WNT9A: variants seen among roughly 807,000 people sequenced by gnomAD.
WNT9A encodes Wnt family member 9A.
In WNT9A, 8 loss-of-function variants were observed where a neutral mutation model predicts 31.4. The observed-to-expected ratio is 0.26, with a 90% confidence interval of 0.15 to 0.46. The LOEUF is 0.46. Among genes scored for constraint, WNT9A ranks in the 20% least tolerant of loss-of-function variants. WNT9A has a pLI of 0.99. For missense variants in WNT9A, 457 were observed against 522.9 expected (o/e 0.87, Z 1.23); for synonymous variants, 236 against 220.1 (o/e 1.07, Z -0.64).
rs151208284 is a variant in WNT9A, at chr1:227,938,963, T to C, written c.95+8830A>G. ...TGACCTGGCTGCACCCCTGCCAGGC[T>C]CACGGCAGCACCAGTTCATGACTGC... On this transcript the variant is annotated intron_variant, in intron 1 of 3. Transcript: ENST00000272164. Among the ~76,000 whole-genome samples the C allele has an allele frequency of 3.4e-3, 525 of 152,300 alleles. 12 individuals carry two copies. The highest frequency in any genetic ancestry group is 0.029 in the East Asian group (152 of 5,184).
At chr1:227,937,160 T>G (rs1161625459) in intron 1 of WNT9A, among the ~76,000 whole-genome samples, 2 of 152,370 alleles carry the variant, frequency 1.3e-5, no homozygotes, top group Non-Finnish European at 2.9e-5. Context: ...TTTTCCAAAC[T>G]TGCTGGGTCA....
chr1:227,925,145 G>A lies in WNT9A; in HGVS notation c.352+118C>T. The A allele has an allele frequency of 7.2e-7, 1 of 1,392,862 alleles. No homozygotes were observed. Among genetic ancestry groups the A allele is most frequent in the Admixed American group, 3.0e-5 (1 of 33,246 alleles). The allele number at this position is 1,392,862 out of a possible 1,614,324, so 86.3% of individuals were successfully genotyped here. On this transcript the variant is annotated intron_variant, in intron 2 of 3. Coordinates refer to ENST00000272164, the MANE Select transcript of WNT9A (RefSeq NM_003395.4). This position sits in a 1 kb window ranked among gnomAD's most constrained non-coding sequence, Gnocchi z 6.0. ...CAGGGCCTAGGCCCAGGAGCTCTGG[G>A]CAGGCTGGGCCCGGCGTCCCCAGGA...
rs944097769 is a variant in WNT9A at position 227,940,164 on chromosome 1, G to A, written c.95+7629C>T. ...AGCATCCATGGGGTCCCCCAAACCA[G>A]ACCACAGAGGCCAGCCCAGCTCCCC... On this transcript the variant is annotated intron_variant, in intron 1 of 3. Coordinates refer to ENST00000272164, the MANE Select transcript of WNT9A (RefSeq NM_003395.4). Among the ~76,000 whole-genome samples, 16 of 152,142 alleles carry A rather than the reference G, an allele frequency of 1.1e-4. No individual in the cohort carries two copies. In the East Asian group the frequency reaches 2.9e-3, roughly 28 times the overall value.
In WNT9A at chr1:227,942,258, CT is replaced by C. The variant is rs1558265065; in HGVS notation, c.95+5534del. ...GCAGGCCAGGCACTGCTGCTCCGTC[CT>C]TACCACACACCCTCCACACCCTCCA... is the stretch of plus-strand genomic sequence containing the variant. On this transcript the variant is annotated intron_variant, in intron 1 of 3. Coordinates refer to ENST00000272164, the MANE Select transcript of WNT9A (RefSeq NM_003395.4). The surrounding 1 kb of genome is among the most constrained non-coding windows in gnomAD (Gnocchi z 5.7). Among the ~76,000 whole-genome samples, 1 of 152,162 alleles carries C rather than the reference CT, an allele frequency of 6.6e-6. No individual in the cohort carries two copies. The highest frequency in any genetic ancestry group is 1.5e-5 in the Non-Finnish European group (1 of 67,998).
intron 1 of WNT9A, among the ~76,000 whole-genome samples, chr1:227,945,779 A>C (rs1666784619): frequency 6.6e-6 from 1 of 151,830 alleles, no homozygotes; most frequent in Non-Finnish European, 1.5e-5. Flanking sequence ...GCCTCCGCAC[A>C]ACCCAGCCTG....
chr1:227,920,049 CCAAT>C lies in WNT9A; in HGVS notation c.*1465_*1468del, dbSNP rs1666283188. 6.6e-6 allele frequency: 1 copy of C among 152,392 alleles called. No homozygotes were observed. The highest frequency in any genetic ancestry group is 1.5e-5 in the Non-Finnish European group (1 of 68,138). The allele number at this position is 152,392 out of a possible 1,614,324, so 9.4% of individuals were successfully genotyped here. A position where few individuals can be genotyped will look rare whatever the true frequency, so the allele number is the denominator to read the frequency against. On this transcript the variant is annotated 3_prime_UTR_variant, in exon 4 of 4. Coordinates refer to ENST00000272164, the MANE Select transcript of WNT9A (RefSeq NM_003395.4). ...CAGCTTCCTCATGACATGACATGAACCAATCAAAGGGCTGCCCTGCCCCCTCACC... is the reference window on the plus strand; with the variant it reads ...CAGCTTCCTCATGACATGACATGAACCAAAGGGCTGCCCTGCCCCCTCACC...
At chr1:227,924,893 G>A (rs1175597866) in intron 2 of WNT9A, among the ~76,000 whole-genome samples, 1 of 152,188 alleles carries the variant, frequency 6.6e-6, no homozygotes, top group Non-Finnish European at 1.5e-5. Context: ...TAAGGCATCA[G>A]AGAGCCCTCA....
chr1:227,946,659 G>C (rs1403383739), intron 1 of WNT9A, among the ~76,000 whole-genome samples: 1 of 152,248 alleles, frequency 6.6e-6, no homozygotes, highest in Non-Finnish European at 1.5e-5. Context: ...AAAACACAAA[G>C]GGAAAGTTTC....
Position 227,923,762 on chromosome 1 carries a change from C to G in WNT9A, c.615+376G>C, listed in dbSNP as rs556087173. On this transcript the variant is annotated intron_variant, in intron 3 of 3. Transcript: ENST00000272164. ...TCCTCCCACCGGTCTTCGTGACAAG[C>G]CTGCCAGCTGGCTGACAGGTGGGGC... 4.9e-4 allele frequency among the ~76,000 whole-genome samples: 75 copies of G among 152,244 alleles called. 3 individuals are homozygous for G. In the East Asian group the frequency reaches 0.013, roughly 26 times the overall value.
intron 1 of WNT9A, among the ~76,000 whole-genome samples, chr1:227,927,881 G>A (rs185158594): frequency 1.5e-4 from 23 of 152,156 alleles, no homozygotes; most frequent in African/African-American, 5.1e-4. Context: ...GGGACAGGGG[G>A]AGGGGAGAGG....
chr1:227,922,546 G>A (rs891236599), intron 3 of WNT9A, among the ~76,000 whole-genome samples: 2 of 152,222 alleles, frequency 1.3e-5, no homozygotes, highest in Non-Finnish European at 2.9e-5. Flanking sequence ...CTGCTGGGGG[G>A]CCAGTGAAGG....
intron 3 of WNT9A, 53 bp downstream of exon 3, chr1:227,924,085 C>CCCCA: frequency 1.9e-6 from 2 of 1,063,496 alleles, no homozygotes; most frequent in African/African-American, 1.6e-5. Flanking sequence ...CCCCAACCCC[C>CCCCA]TGACGCTCTT....
intron 3 of WNT9A, among the ~76,000 whole-genome samples, chr1:227,923,076 G>C (rs1336675634): frequency 1.3e-5 from 2 of 152,190 alleles, no homozygotes; most frequent in Non-Finnish European, 1.5e-5. Context: ...AAAAGAAAGG[G>C]CCTTGCTTAG....
Position 227,920,592 on chromosome 1 carries a change from C to T in WNT9A, c.*926G>A, listed in dbSNP as rs1274025208. On this transcript the variant is annotated 3_prime_UTR_variant, in exon 4 of 4. Coordinates refer to ENST00000272164, the MANE Select transcript of WNT9A (RefSeq NM_003395.4). The stretch of plus-strand genomic sequence containing the variant: ...CTGGGAGTGCAGAACAGGCTGCGTC[C>T]TCTTCTAGTGGTTTGAGTCTCTGAA... The T allele has an allele frequency of 1.3e-5, 2 of 152,166 alleles. No individual in the cohort carries two copies. Among genetic ancestry groups the T allele is most frequent in the Non-Finnish European group, 2.9e-5 (2 of 68,030 alleles). The allele number at this position is 152,166 out of a possible 1,614,324, so 9.4% of individuals were successfully genotyped here.
rs770226844 is a variant in WNT9A, at chr1:227,925,550, C to A, written c.96-31G>T. 1.3e-5 allele frequency: 19 copies of A among 1,476,952 alleles called. No individual in the cohort carries two copies. The highest frequency in any genetic ancestry group is 1.6e-5 in the Non-Finnish European group (18 of 1,116,842). The allele number at this position is 1,476,952 out of a possible 1,614,324, so 91.5% of individuals were successfully genotyped here. On this transcript the variant is annotated intron_variant, in intron 1 of 3. Coordinates refer to ENST00000272164, the MANE Select transcript of WNT9A (RefSeq NM_003395.4). The surrounding 1 kb of genome is among the most constrained non-coding windows in gnomAD (Gnocchi z 6.0). ...CACAGAGAGGCCAGCATGAGCCCGGCCCCAGGAAGCCCTGCTGGAGCCTGG... is the reference window on the plus strand; with the variant it reads ...CACAGAGAGGCCAGCATGAGCCCGGACCCAGGAAGCCCTGCTGGAGCCTGG...
chr1:227,925,519 C>G lies in WNT9A; in HGVS notation c.96G>C (p.Gly32=). The stretch of plus-strand genomic sequence containing the variant: ...TGGTCAGGGGCTCGCTGCCCGTCAG[C>G]CTGGGCACAGAGAGGCCAGCATGAG... ...AALRPSAAYF[G]LTGSEPLTIL... Residue 32 remains glycine, a splice_region_variant and synonymous_variant, in exon 2 of 4, where the codon GGG becomes GGC. Coordinates refer to ENST00000272164, the MANE Select transcript of WNT9A (RefSeq NM_003395.4). This position sits in a 1 kb window ranked among gnomAD's most constrained non-coding sequence, Gnocchi z 6.0. 1 of 1,536,840 alleles carries G rather than the reference C, an allele frequency of 6.5e-7. No individual in the cohort carries two copies. Among genetic ancestry groups the G allele is most frequent in the Non-Finnish European group, 8.7e-7 (1 of 1,146,414 alleles).
Position 227,942,589 on chromosome 1 carries a change from C to A in WNT9A, c.95+5204G>T, listed in dbSNP as rs1168610978. 6.6e-6 allele frequency among the ~76,000 whole-genome samples: 1 copy of A among 152,170 alleles called. No individual in the cohort carries two copies. The highest frequency in any genetic ancestry group is 1.5e-5 in the Non-Finnish European group (1 of 68,016). On this transcript the variant is annotated intron_variant, in intron 1 of 3. Coordinates refer to ENST00000272164, the MANE Select transcript of WNT9A (RefSeq NM_003395.4). This position sits in a 1 kb window ranked among gnomAD's most constrained non-coding sequence, Gnocchi z 5.7. ...GCCCCCAGGGCCCCTCCTCTCAGCC[C>A]TCTGCTGAGGTCTGCCCCACTGAGC...
In WNT9A at chr1:227,925,587, G is replaced by A. The variant is rs1666408614; in HGVS notation, c.96-68C>T. The A allele has an allele frequency of 4.8e-6, 7 of 1,444,044 alleles. No homozygotes were observed. The highest frequency in any genetic ancestry group is 2.9e-5 in the African/African-American group (2 of 70,044). 89.5% of individuals were successfully genotyped at this position (1,444,044 alleles called of 1,614,324 possible). On this transcript the variant is annotated intron_variant, in intron 1 of 3. Transcript: ENST00000272164. This position sits in a 1 kb window ranked among gnomAD's most constrained non-coding sequence, Gnocchi z 6.0. ...CTGCTGGAGCCTGGCCAGGTGTCTCGGTGGCCAGGGTACAGGGGACAGGCG... is the reference window on the plus strand; with the variant it reads ...CTGCTGGAGCCTGGCCAGGTGTCTCAGTGGCCAGGGTACAGGGGACAGGCG...
In WNT9A at chr1:227,925,720, C is replaced by T. The variant is rs752430545; in HGVS notation, c.96-201G>A. ...TGCACACCCATGGCCCCCACTCCAGCGAGCATGGTCTCAGTGACCACAGGG... is the reference window on the plus strand; with the variant it reads ...TGCACACCCATGGCCCCCACTCCAGTGAGCATGGTCTCAGTGACCACAGGG... On this transcript the variant is annotated intron_variant, in intron 1 of 3. Transcript: ENST00000272164. This position sits in a 1 kb window ranked among gnomAD's most constrained non-coding sequence, Gnocchi z 6.0. 2.0e-5 allele frequency among the ~76,000 whole-genome samples: 3 copies of T among 152,106 alleles called. No individual in the cohort carries two copies. Among genetic ancestry groups the T allele is most frequent in the Non-Finnish European group, 4.4e-5 (3 of 67,992 alleles).
Sources: allele counts gnomAD v4.1 joint callset (sites outside exome capture counted in the v4.1 genomes callset), GRCh38; gene constraint gnomAD v4.1.1; non-coding constraint Gnocchi (gnomAD v3.1); transcripts MANE v1.5; gene names NCBI Gene and HGNC (gene_info 2026-07-23, HGNC 2026-07-21).